The following FAM13B variants were observed in gnomAD, a reference collection of about 807,000 sequenced individuals.
FAM13B encodes the protein family with sequence similarity 13 member B.
Under a neutral mutation model 117.3 loss-of-function variants are expected in FAM13B, and 60 were observed. The observed-to-expected ratio is 0.51, with a 90% confidence interval of 0.42 to 0.63. The LOEUF (loss-of-function observed/expected upper bound fraction) is 0.63. FAM13B is among the 30% of genes least tolerant of loss of function. The pLI is 0.00. For missense variants in FAM13B, 972 were observed against 1,091.9 expected, an observed-to-expected ratio of 0.89 and a Z score of 1.55; for synonymous variants, 332 against 356.1, an observed-to-expected ratio of 0.93 and a Z score of 0.76.
At chr5:137,982,032 C>T (rs560360457) in intron 10 of FAM13B, among the ~76,000 whole-genome samples, 35 of 152,250 alleles carry the variant, frequency 2.3e-4, no homozygotes, top group Non-Finnish European at 4.1e-4. Flanking sequence ...GCCAATATTC[C>T]GTAGTGCCTA....
intron 1 of FAM13B, among the ~76,000 whole-genome samples, chr5:138,028,783 C>A (rs1339056516): frequency 6.6e-6 from 1 of 152,170 alleles, no homozygotes; most frequent in African/African-American, 2.4e-5. Flanking sequence ...CTTTGGGAGG[C>A]CAAGGCAGGC....
rs1763505027 is a variant in FAM13B, at chr5:137,946,544, T to C, written c.2161-233A>G. 6 of 433,628 alleles carry C rather than the reference T, an allele frequency of 1.4e-5. No homozygotes were observed. In the South Asian group the frequency reaches 1.7e-4, roughly 12 times the overall value. 26.9% of individuals were successfully genotyped at this position (433,628 alleles called of 1,614,324 possible). On this transcript the variant is annotated intron_variant, in intron 18 of 23. Coordinates refer to ENST00000689681, the MANE Select transcript of FAM13B (RefSeq NM_001385994.1). Reference sequence around the variant, plus strand: ...TAGGTACCAACCCCTTTGATGGCTTTACATTTTATCTGAATAGATTATGAA... The same window carrying C: ...TAGGTACCAACCCCTTTGATGGCTTCACATTTTATCTGAATAGATTATGAA...
upstream of FAM13B, chr5:138,036,881 C>G: frequency 5.9e-6 from 2 of 339,652 alleles, no homozygotes; most frequent in South Asian, 4.6e-5. Flanking sequence ...CTTCTGAATT[C>G]AGGATCTGCT....
chr5:137,956,420 A>T, intron 14 of FAM13B, 57 bp downstream of exon 14: 5 of 1,238,384 alleles, frequency 4.0e-6, no homozygotes, highest in Non-Finnish European at 5.6e-6. Flanking sequence ...TAATAAAAAG[A>T]CAAACAAAGT....
Position 137,989,645 on chromosome 5 carries a change from C to T in FAM13B, c.849-1330G>A, listed in dbSNP as rs1178416619. On this transcript the variant is annotated intron_variant, in intron 7 of 23. Coordinates refer to ENST00000689681, the MANE Select transcript of FAM13B (RefSeq NM_001385994.1). ...TTCAAGACCAGCCTGGGCAACATAG[C>T]GAGATCCCATCTCTACAAAAAAAAT... 3.3e-5 allele frequency among the ~76,000 whole-genome samples: 5 copies of T among 151,870 alleles called. No individual in the cohort carries two copies. The East Asian group carries it at 9.7e-4, about 29-fold the overall frequency.
chr5:138,007,230 A>C, intron 6 of FAM13B, 83 bp from the exon 7 acceptor site: 1 of 1,061,054 alleles, frequency 9.4e-7, no homozygotes, highest in Non-Finnish European at 1.3e-6. Context: ...TGAAAATTTT[A>C]AACACAAACA....
chr5:138,037,094 A>G (rs1791237879), upstream of FAM13B: 1 of 173,440 alleles, frequency 5.8e-6, no homozygotes, highest in Non-Finnish European at 1.3e-5. Flanking sequence ...TTTTTCCTAC[A>G]AATTCTTTAC....
At chr5:138,020,998 G>C in intron 2 of FAM13B, 33 bp downstream of exon 2, 3 of 1,222,962 alleles carry the variant, frequency 2.5e-6, no homozygotes, top group Non-Finnish European at 2.0e-6. Flanking sequence ...TGGATTTATA[G>C]AGCACGAGAT....
At chr5:138,026,718 T>A (rs1788501586) in intron 1 of FAM13B, among the ~76,000 whole-genome samples, 1 of 145,400 alleles carries the variant, frequency 6.9e-6, no homozygotes, top group Admixed American at 7.0e-5. Flanking sequence ...GACGGGTGGA[T>A]CACCCAAGAT....
At chr5:138,017,739 C>T (rs1785611104) in intron 4 of FAM13B, among the ~76,000 whole-genome samples, 1 of 152,060 alleles carries the variant, frequency 6.6e-6, no homozygotes. Context: ...TTAGTCACCA[C>T]CAAAAAAACC....
chr5:137,976,869 T>G (rs2150468625), intron 10 of FAM13B, among the ~76,000 whole-genome samples: 1 of 152,238 alleles, frequency 6.6e-6, no homozygotes, highest in South Asian at 2.1e-4. Flanking sequence ...GTAGAGCAAG[T>G]GTGTTTGAAC....
Position 137,956,561 on chromosome 5 carries a change from T to C in FAM13B, c.1442-19A>G. On this transcript the variant is annotated intron_variant, in intron 13 of 23. Coordinates refer to ENST00000689681, the MANE Select transcript of FAM13B (RefSeq NM_001385994.1). ...CATGACGCTAATAAAATGGAAAAAA[T>C]GGCAAAAAATACTAAAGTGAACACA... 6.4e-7 allele frequency: 1 copy of C among 1,566,380 alleles called. No individual in the cohort carries two copies. Among genetic ancestry groups the C allele is most frequent in the Non-Finnish European group, 8.7e-7 (1 of 1,152,890 alleles).
chr5:137,965,383 T>C (rs1769398150), intron 10 of FAM13B, among the ~76,000 whole-genome samples: 1 of 152,168 alleles, frequency 6.6e-6, no homozygotes, highest in South Asian at 2.1e-4. Flanking sequence ...CACAGTCATA[T>C]TAGCAATATC....
chr5:137,990,597 A>C (rs1169979694), intron 7 of FAM13B, among the ~76,000 whole-genome samples: 1 of 152,156 alleles, frequency 6.6e-6, no homozygotes, highest in African/African-American at 2.4e-5. Flanking sequence ...AATGGATACA[A>C]GATATTTCAT....
chr5:137,949,929 A>G (rs1026223488), intron 17 of FAM13B, among the ~76,000 whole-genome samples: 4 of 152,084 alleles, frequency 2.6e-5, no homozygotes, highest in African/African-American at 7.2e-5. Flanking sequence ...CACCACTGCA[A>G]TGCAGCCTGG....
intron 1 of FAM13B, among the ~76,000 whole-genome samples, chr5:138,027,009 C>G (rs1009284461): frequency 4.6e-5 from 7 of 151,778 alleles, no homozygotes; most frequent in African/African-American, 1.7e-4. Context: ...GTGGCACACA[C>G]CTGTAGTCCC....
At chr5:137,972,673 C>A (rs1205467194) in intron 10 of FAM13B, among the ~76,000 whole-genome samples, 2 of 151,940 alleles carry the variant, frequency 1.3e-5, no homozygotes, top group African/African-American at 4.8e-5. Flanking sequence ...TCAAATTGTC[C>A]CGGTTTGCAG....
chr5:138,038,016 G>A (rs1157468981), upstream of FAM13B, among the ~76,000 whole-genome samples: 1 of 152,126 alleles, frequency 6.6e-6, no homozygotes, highest in East Asian at 1.9e-4. Context: ...TGCTTTATTA[G>A]CCATATACAA....
chr5:137,967,133 G>T (rs1035817770), intron 10 of FAM13B, among the ~76,000 whole-genome samples: 6 of 150,938 alleles, frequency 4.0e-5, no homozygotes, highest in Non-Finnish European at 8.9e-5. Flanking sequence ...AGACGATAAA[G>T]TTTAACACCA....
Sources: gnomAD v4.1 joint callset for allele counts (sites outside exome capture counted in the v4.1 genomes callset) on GRCh38, gnomAD v4.1.1 for gene constraint, MANE v1.5 for transcripts, NCBI Gene and HGNC (gene_info 2026-07-23, HGNC 2026-07-21) for gene names.